ATXN1: variants seen among roughly 807,000 people sequenced by gnomAD.
The protein encoded by ATXN1 is ataxin 1.
A neutral mutation model predicts 56.4 loss-of-function variants in ATXN1; 8 were observed. The observed-to-expected ratio is 0.14, with a 90% CI of 0.08 to 0.26. The LOEUF is 0.26. Ranked by LOEUF, ATXN1 falls within the 10% of genes least tolerant of loss-of-function variation. ATXN1 has a pLI of 1.00. For missense variants in ATXN1, 987 were observed against 1,106.5 expected, an observed-to-expected ratio of 0.89 and a Z score of 1.53; for synonymous variants, 514 against 494.6, an observed-to-expected ratio of 1.04 and a Z score of -0.52.
intron 4 of ATXN1, among the ~76,000 whole-genome samples, chr6:16,577,383 G>C (rs1317588213): frequency 6.6e-6 from 1 of 152,046 alleles, no homozygotes; most frequent in Non-Finnish European, 1.5e-5. Flanking sequence ...AATTAGCCAG[G>C]TGCAGTGGCG....
chr6:16,618,861 T>C (rs1763268581), intron 3 of ATXN1, among the ~76,000 whole-genome samples: 1 of 151,788 alleles, frequency 6.6e-6, no homozygotes, highest in South Asian at 2.1e-4. Flanking sequence ...AAGGAAAATA[T>C]CAAAGTGGGA....
At chr6:16,491,234 AGGCATAT>A (rs1760653241) in intron 5 of ATXN1, among the ~76,000 whole-genome samples, 1 of 146,556 alleles carries the variant, frequency 6.8e-6, no homozygotes, top group Non-Finnish European at 1.5e-5. Flanking sequence ...CTGGGATTAT[AGGCATAT>A]GCCACCACAC....
intron 6 of ATXN1, among the ~76,000 whole-genome samples, chr6:16,364,493 T>G (rs542181156): frequency 6.6e-6 from 1 of 152,068 alleles, no homozygotes. Flanking sequence ...TTAGTAGAGA[T>G]AGGGTTTCAC....
rs1409853438 is a variant in ATXN1 at position 16,445,708 on chromosome 6, G to A, written c.-161+40264C>T. 4.9e-5 allele frequency among the ~76,000 whole-genome samples: 6 copies of A among 121,942 alleles called. No homozygotes were observed. In the Admixed American group the frequency reaches 6.7e-4, roughly 14 times the overall value. 80.0% of individuals were successfully genotyped at this position (121,942 alleles called of 152,430 possible). ...CCCACAACAGTCCCCAGAGTGTGATGTTCCCCTTCCTGTGTCCATGTGTTC... is the reference window on the plus strand; with the variant it reads ...CCCACAACAGTCCCCAGAGTGTGATATTCCCCTTCCTGTGTCCATGTGTTC... On this transcript the variant is annotated intron_variant, in intron 6 of 7. Transcript: ENST00000436367.
At chr6:16,689,889 G>A (rs571886294) in intron 2 of ATXN1, among the ~76,000 whole-genome samples, 1 of 152,078 alleles carries the variant, frequency 6.6e-6, no homozygotes, top group East Asian at 1.9e-4. Context: ...TAACTGAAAC[G>A]TCTGTACCGT....
intron 3 of ATXN1, among the ~76,000 whole-genome samples, chr6:16,607,087 C>T (rs1339436741): frequency 2.7e-5 from 1 of 36,928 alleles, no homozygotes; most frequent in Non-Finnish European, 6.9e-5. Flanking sequence ...GGGGTTTCAC[C>T]AGTTTAAAAC....
At chr6:16,532,674 C>T (rs1431613669) in intron 4 of ATXN1, among the ~76,000 whole-genome samples, 1 of 152,138 alleles carries the variant, frequency 6.6e-6, no homozygotes, top group Non-Finnish European at 1.5e-5. Flanking sequence ...CATACCATTT[C>T]ACTCACATTA....
At chr6:16,394,370 G>T (rs1437751454) in intron 6 of ATXN1, among the ~76,000 whole-genome samples, 1 of 151,998 alleles carries the variant, frequency 6.6e-6, no homozygotes, top group African/African-American at 2.4e-5. Flanking sequence ...CTCTTCTTGG[G>T]AATATTTTCT....
At chr6:16,617,699 G>A (rs1262217160) in intron 3 of ATXN1, among the ~76,000 whole-genome samples, 5 of 148,380 alleles carry the variant, frequency 3.4e-5, no homozygotes, top group Non-Finnish European at 3.0e-5. Context: ...CCCGTGAGGC[G>A]GAGCTTGCAG....
chr6:16,519,611 C>G (rs943152323), intron 5 of ATXN1, among the ~76,000 whole-genome samples: 1 of 152,190 alleles, frequency 6.6e-6, no homozygotes, highest in African/African-American at 2.4e-5. Flanking sequence ...TGTCACTACC[C>G]ACACATTTCA....
At chr6:16,649,346 A>T (rs1763855251) in intron 3 of ATXN1, among the ~76,000 whole-genome samples, 1 of 152,214 alleles carries the variant, frequency 6.6e-6, no homozygotes, top group African/African-American at 2.4e-5. Flanking sequence ...TGAAAATGTT[A>T]CATCAACCCT....
At chr6:16,396,270 A>C in intron 6 of ATXN1, among the ~76,000 whole-genome samples, 1 of 150,594 alleles carries the variant, frequency 6.6e-6, no homozygotes, top group East Asian at 1.9e-4. Flanking sequence ...AAAAAAAAAA[A>C]ACTTTTTTTA....
chr6:16,465,395 T>G (rs1016056308), intron 6 of ATXN1, among the ~76,000 whole-genome samples: 1 of 152,154 alleles, frequency 6.6e-6, no homozygotes, highest in African/African-American at 2.4e-5. Flanking sequence ...AGACGGAGGT[T>G]GCCGTGAGCC....
intron 2 of ATXN1, among the ~76,000 whole-genome samples, chr6:16,672,275 G>A (rs1196784645): frequency 1.3e-5 from 2 of 151,910 alleles, no homozygotes; most frequent in Admixed American, 6.6e-5. Flanking sequence ...AATGTTTTCT[G>A]TGTCATACTG....
chr6:16,327,445 A>T lies in ATXN1; in HGVS notation c.866T>A (p.Val289Asp), dbSNP rs1760842985. 6.2e-7 allele frequency: 1 copy of T among 1,612,900 alleles called. No individual in the cohort carries two copies. The highest frequency in any genetic ancestry group is 8.5e-7 in the Non-Finnish European group (1 of 1,179,848). The change falls in exon 7 of 8, where the codon GTC becomes GAC. Residue 289 changes from valine to aspartate, a missense_variant. By Grantham distance (152) the Val-to-Asp change is radical. This residue lies in a region of ATXN1 where 723 missense variants were observed against 791.7 expected (regional missense o/e 0.91). Transcript: ENST00000436367. The stretch of plus-strand genomic sequence containing the variant: ...GCCGGAGTCGGCGTATTGCATGACG[A>T]CCTGGGAGGGGGGCCCCAGGGTGAG... Reference protein sequence around the residue: ...HTLTLGPPSQVVMQYADSGSH... With the variant: ...HTLTLGPPSQDVMQYADSGSH...
chr6:16,516,005 C>T (rs1204962515), intron 5 of ATXN1, among the ~76,000 whole-genome samples: 1 of 152,188 alleles, frequency 6.6e-6, no homozygotes, highest in Non-Finnish European at 1.5e-5. Flanking sequence ...GAGTTGAGCT[C>T]TGGACTGTTA....
rs754100060 is a variant in ATXN1 at position 16,328,153 on chromosome 6, C to A, written c.158G>T (p.Arg53Leu). 6.3e-7 allele frequency: 1 copy of A among 1,583,032 alleles called. No individual in the cohort carries two copies. The highest frequency in any genetic ancestry group is 1.2e-5 in the South Asian group (1 of 86,714). The change falls in exon 7 of 8, where the codon CGG (arginine) becomes CTG (leucine). Residue 53 changes from arginine (R) to leucine (L), a missense_variant. Around this residue, in one of 3 missense-constraint regions of ATXN1, gnomAD observed 723 missense variants for 791.7 expected, o/e 0.91. Coordinates refer to ENST00000436367, the MANE Select transcript of ATXN1 (RefSeq NM_001128164.2). The surrounding 1 kb of genome is among the most constrained non-coding windows in gnomAD (Gnocchi z 6.2). Reference sequence around the variant, plus strand: ...CCCATGCCTCCCGCCCCCGTGGCCCCGGCCACCAGGGTTGCCCGGGAGCCA... The same window carrying A: ...CCCATGCCTCCCGCCCCCGTGGCCCAGGCCACCAGGGTTGCCCGGGAGCCA... ...TAWLPGNPGG[R>L]GHGGGRHGPA...
intron 6 of ATXN1, among the ~76,000 whole-genome samples, chr6:16,352,471 G>A (rs777266247): frequency 6.6e-6 from 1 of 152,108 alleles, no homozygotes; most frequent in African/African-American, 2.4e-5. Flanking sequence ...CAAAACGCAT[G>A]GATTTACAAG....
intron 4 of ATXN1, among the ~76,000 whole-genome samples, chr6:16,573,444 A>C (rs924951502): frequency 2.0e-5 from 3 of 152,054 alleles, no homozygotes; most frequent in Admixed American, 1.3e-4. Context: ...CAACACCCTC[A>C]AACGAATAGG....
Sources: allele counts gnomAD v4.1 joint callset (sites outside exome capture counted in the v4.1 genomes callset), GRCh38; gene constraint gnomAD v4.1.1; regional missense constraint gnomAD v4.1.1; non-coding constraint Gnocchi (gnomAD v3.1); transcripts MANE v1.5; gene names NCBI Gene and HGNC (gene_info 2026-07-23, HGNC 2026-07-21).